ARHGAP25: variants seen among roughly 807,000 people sequenced by gnomAD.
The protein encoded by ARHGAP25 is rho GTPase-activating protein 25.
ARHGAP25 carries 34 observed loss-of-function variants against 71.0 expected under a neutral mutation model. The ratio of observed to expected loss-of-function variants is 0.48; its 90% CI spans 0.36 to 0.64. The LOEUF (loss-of-function observed/expected upper bound fraction) is 0.64. ARHGAP25 is among the 30% of genes least tolerant of loss of function. The probability of loss-of-function intolerance (pLI) is 0.00; values close to 1 mark genes in which losing one functional copy is unlikely to be tolerated. For missense variants in ARHGAP25, 706 were observed against 805.1 expected (o/e 0.88, Z 1.49); for synonymous variants, 282 against 296.5 (o/e 0.95, Z 0.50).
intron 4 of ARHGAP25, among the ~76,000 whole-genome samples, chr2:68,806,391 A>G (rs1680365343): frequency 6.6e-6 from 1 of 152,196 alleles, no homozygotes; most frequent in African/African-American, 2.4e-5. Flanking sequence ...GTGAGATGAA[A>G]CATCTATGTG....
intron 1 of ARHGAP25, among the ~76,000 whole-genome samples, chr2:68,739,937 G>A (rs906412630): frequency 1.3e-5 from 2 of 152,160 alleles, no homozygotes; most frequent in African/African-American, 4.8e-5. Context: ...CCATAGGTCT[G>A]GCAGACCTAG....
chr2:68,790,307 C>T (rs1009568709), intron 4 of ARHGAP25, among the ~76,000 whole-genome samples: 1 of 152,164 alleles, frequency 6.6e-6, no homozygotes, highest in Non-Finnish European at 1.5e-5. Context: ...AAGTTACTAA[C>T]CAAAATCATA....
chr2:68,809,831 A>T (rs1680648135), intron 5 of ARHGAP25, among the ~76,000 whole-genome samples: 1 of 152,178 alleles, frequency 6.6e-6, no homozygotes. Context: ...GAAGGTGAGC[A>T]AAGTTGCTGT....
chr2:68,718,020 C>G (rs11689900), intron 2 of ARHGAP25, among the ~76,000 whole-genome samples: 1 of 151,870 alleles, frequency 6.6e-6, no homozygotes, highest in Non-Finnish European at 1.5e-5. Context: ...ACAGATAATT[C>G]ACTTGGTGGG....
chr2:68,822,029 C>A (rs1052319392), intron 9 of ARHGAP25, among the ~76,000 whole-genome samples: 5 of 149,532 alleles, frequency 3.3e-5, no homozygotes, highest in African/African-American at 1.2e-4. Context: ...ACTTTTACGG[C>A]TTCTGGGTTT....
chr2:68,741,044 G>A (rs962652083), intron 1 of ARHGAP25, among the ~76,000 whole-genome samples: 1 of 152,174 alleles, frequency 6.6e-6, no homozygotes, highest in Non-Finnish European at 1.5e-5. Flanking sequence ...TATTTCATGC[G>A]TATGACATAT....
intron 9 of ARHGAP25, 101 bp downstream of exon 9, chr2:68,819,420 G>C: frequency 8.1e-7 from 1 of 1,227,640 alleles, no homozygotes; most frequent in Non-Finnish European, 1.2e-6. Context: ...GGAGTTTTAG[G>C]TGATGCAGTG....
chr2:68,788,777 A>G lies in ARHGAP25; in HGVS notation c.466+821A>G, dbSNP rs562551975. 3.7e-4 allele frequency among the ~76,000 whole-genome samples: 57 copies of G among 152,280 alleles called. No homozygotes were observed. The South Asian group carries it at 9.9e-3, about 27-fold the overall frequency. On this transcript the variant is annotated intron_variant, in intron 4 of 10. Transcript: ENST00000409202. ...GTCAACTCCAGATAACCTTAAATAT[A>G]TAGTTATGTATTGACTGTGTGGCCT...
intron 2 of ARHGAP25, among the ~76,000 whole-genome samples, chr2:68,714,119 CTT>C (rs34795975): frequency 6.6e-6 from 1 of 151,228 alleles, no homozygotes; most frequent in African/African-American, 2.4e-5. Flanking sequence ...TGGTCCTTGG[CTT>C]TTTTTTTGAT....
intron 6 of ARHGAP25, 194 bp from the exon 7 acceptor site, chr2:68,816,095 C>CT: frequency 1.5e-6 from 1 of 658,858 alleles, no homozygotes; most frequent in Middle Eastern, 2.4e-4. Flanking sequence ...AACTATGACC[C>CT]TTTTAAAAAA....
chr2:68,819,449 A>G (rs1360248968), intron 9 of ARHGAP25, 130 bp downstream of exon 9: 1 of 909,224 alleles, frequency 1.1e-6, no homozygotes, highest in East Asian at 2.6e-5. Context: ...CGCTGCTGCT[A>G]CAGACTCATC....
chr2:68,826,271 G>A lies in ARHGAP25; in HGVS notation c.*77G>A, dbSNP rs751267436. The A allele has an allele frequency of 7.7e-5, 103 of 1,343,670 alleles. 1 individual carries two copies. In the Admixed American group the frequency reaches 1.8e-3, roughly 23 times the overall value. The allele number at this position is 1,343,670 out of a possible 1,614,324, so 83.2% of individuals were successfully genotyped here. ...CTTTCTCAGTGCTATCTGATGACGGGGAAACAAAATTATTCTCTGAGAGGG... is the reference window on the plus strand; with the variant it reads ...CTTTCTCAGTGCTATCTGATGACGGAGAAACAAAATTATTCTCTGAGAGGG... On this transcript the variant is annotated 3_prime_UTR_variant, in exon 11 of 11. Coordinates refer to ENST00000409202, the MANE Select transcript of ARHGAP25 (RefSeq NM_001007231.3).
intron 2 of ARHGAP25, among the ~76,000 whole-genome samples, chr2:68,719,753 AC>A (rs1674708844): frequency 6.6e-6 from 1 of 152,104 alleles, no homozygotes; most frequent in South Asian, 2.1e-4. Context: ...TTATAAGAAT[AC>A]CCCACAGTAG....
chr2:68,775,591 C>A, intron 2 of ARHGAP25, 171 bp downstream of exon 2: 1 of 1,044,694 alleles, frequency 9.6e-7, no homozygotes, highest in Non-Finnish European at 1.4e-6. Flanking sequence ...AACTGAGTTG[C>A]AAAGATGACA....
At chr2:68,716,736 G>A (rs924138505) in intron 2 of ARHGAP25, among the ~76,000 whole-genome samples, 6 of 152,194 alleles carry the variant, frequency 3.9e-5, no homozygotes, top group Non-Finnish European at 7.3e-5. Context: ...AGAAACCACC[G>A]TGGGATCTTA....
At chr2:68,724,405 C>A (rs760116911) in intron 2 of ARHGAP25, among the ~76,000 whole-genome samples, 5 of 152,222 alleles carry the variant, frequency 3.3e-5, no homozygotes, top group Non-Finnish European at 7.3e-5. Context: ...ATACTAGCCC[C>A]TCTGCAACAG....
Position 68,782,243 on chromosome 2 carries a change from A to G in ARHGAP25, c.272A>G (p.Tyr91Cys), listed in dbSNP as rs1320144923. 2 of 1,614,086 alleles carry G rather than the reference A, an allele frequency of 1.2e-6. No homozygotes were observed. Among genetic ancestry groups the G allele is most frequent in the South Asian group, 2.2e-5 (2 of 91,074 alleles). Residue 91 changes from tyrosine (Y) to cysteine (C), a missense_variant, in exon 3 of 11, where the codon TAT (tyrosine) becomes TGT (cysteine). Physicochemically the swap from Tyr to Cys is radical, Grantham distance 194. Transcript: ENST00000409202. ...EEDTKPQGCM[Y>C]LPGCTIKEIA... is the part of the protein sequence containing the mutation. ...CTTTTCATCTTTCAGGGCTGCATGT[A>G]TCTACCAGGATGTACAATCAAGGAG...
At chr2:68,816,568 C>A in intron 7 of ARHGAP25, 1 of 559,684 alleles carries the variant, frequency 1.8e-6, no homozygotes, top group East Asian at 3.1e-5. Context: ...TGAACGTGCT[C>A]CCCCATTTAG....
chr2:68,763,030 G>C (rs970367757), intron 1 of ARHGAP25, among the ~76,000 whole-genome samples: 1 of 152,222 alleles, frequency 6.6e-6, no homozygotes, highest in African/African-American at 2.4e-5. Context: ...CAAGCATCAT[G>C]AAGTGTAGCC....
Sources: allele counts gnomAD v4.1 joint callset (sites outside exome capture counted in the v4.1 genomes callset), GRCh38; gene constraint gnomAD v4.1.1; transcripts MANE v1.5; gene names NCBI Gene and HGNC (gene_info 2026-07-23, HGNC 2026-07-21).